Variants in TSPAN12 observed in about 807,000 individuals in gnomAD.
The protein encoded by TSPAN12 is tetraspanin 12, also known as tetraspanin-12.
In TSPAN12, 19 loss-of-function variants were observed where a neutral mutation model predicts 39.2. The ratio of observed to expected loss-of-function variants is 0.49; its 90% CI spans 0.34 to 0.71. TSPAN12 has a LOEUF of 0.71. Among genes scored for constraint, TSPAN12 ranks in the 30% least tolerant of loss-of-function variants. The probability of loss-of-function intolerance (pLI) is 0.01; values close to 1 mark genes in which losing one functional copy is unlikely to be tolerated. For synonymous variants in TSPAN12, 119 were observed against 124.8 expected (o/e 0.95, Z 0.31); for missense variants, 314 against 359.9 (o/e 0.87, Z 1.03).
chr7:120,804,778 G>C (rs554769955), intron 7 of TSPAN12, among the ~76,000 whole-genome samples: 2 of 152,086 alleles, frequency 1.3e-5, no homozygotes, highest in Non-Finnish European at 1.5e-5. Flanking sequence ...GGAGGACAGT[G>C]GGCCCCTTGT....
intron 6 of TSPAN12, 31 bp downstream of exon 6, chr7:120,810,432 C>A: frequency 1.5e-6 from 2 of 1,371,132 alleles, no homozygotes; most frequent in Non-Finnish European, 2.1e-6. Flanking sequence ...ACTTACTTCA[C>A]TCTCTCTACC....
At chr7:120,835,154 T>C (rs1160909800) in intron 4 of TSPAN12, among the ~76,000 whole-genome samples, 1 of 152,174 alleles carries the variant, frequency 6.6e-6, no homozygotes, top group Admixed American at 6.6e-5. Context: ...TCTGGGCTGA[T>C]TATTAAAAAG....
chr7:120,805,821 G>A (rs1465477841), intron 7 of TSPAN12, among the ~76,000 whole-genome samples: 3 of 152,092 alleles, frequency 2.0e-5, no homozygotes, highest in South Asian at 2.1e-4. Flanking sequence ...ATGGCCACAC[G>A]TAGCTATTTG....
chr7:120,827,291 G>A (rs914093882), intron 4 of TSPAN12, among the ~76,000 whole-genome samples: 1 of 152,108 alleles, frequency 6.6e-6, no homozygotes, highest in Non-Finnish European at 1.5e-5. Flanking sequence ...AAAGGAAATA[G>A]TTTCGTTTAA....
At chr7:120,799,891 A>ATAAATATTTAATATATTTATTATAT (rs1793730317) in intron 7 of TSPAN12, among the ~76,000 whole-genome samples, 5 of 142,084 alleles carry the variant, frequency 3.5e-5, no homozygotes, top group African/African-American at 1.3e-4. Flanking sequence ...TTAAATATTA[A>ATAAATATTTAATATATTTATTATAT]TAAATATTTA....
At chr7:120,824,958 C>T (rs894766729) in intron 4 of TSPAN12, among the ~76,000 whole-genome samples, 1 of 152,034 alleles carries the variant, frequency 6.6e-6, no homozygotes, top group African/African-American at 2.4e-5. Context: ...AACTTAACAC[C>T]CTCATTCCTT....
intron 2 of TSPAN12, among the ~76,000 whole-genome samples, chr7:120,854,082 G>C (rs1277822043): frequency 6.6e-6 from 1 of 152,080 alleles, no homozygotes; most frequent in Non-Finnish European, 1.5e-5. Flanking sequence ...CTGCTCACTG[G>C]TAGTAGGGTA....
chr7:120,800,824 C>T (rs1444936704), intron 7 of TSPAN12, among the ~76,000 whole-genome samples: 1 of 147,740 alleles, frequency 6.8e-6, no homozygotes, highest in East Asian at 2.1e-4. Flanking sequence ...TCTAGGCTCA[C>T]TGCAACCTTC....
chr7:120,810,422 A>G (rs781248624), intron 6 of TSPAN12, 41 bp downstream of exon 6: 2 of 1,243,822 alleles, frequency 1.6e-6, no homozygotes, highest in South Asian at 1.2e-5. Context: ...AAGGTGCACC[A>G]CTTACTTCAC....
At chr7:120,810,602 T>G in intron 5 of TSPAN12, 32 bp from the exon 6 acceptor site, 6 of 1,163,556 alleles carry the variant, frequency 5.2e-6, no homozygotes, top group Non-Finnish European at 7.7e-6. Flanking sequence ...TCAACAGCTG[T>G]AGCTCACACA....
At chr7:120,853,885 A>G (rs948059256) in intron 2 of TSPAN12, among the ~76,000 whole-genome samples, 2 of 150,340 alleles carry the variant, frequency 1.3e-5, no homozygotes, top group African/African-American at 4.9e-5. Flanking sequence ...AAAAAAAAAA[A>G]AAAGAAAAGA....
chr7:120,827,504 T>C (rs1369683235), intron 4 of TSPAN12, among the ~76,000 whole-genome samples: 1 of 152,188 alleles, frequency 6.6e-6, no homozygotes, highest in East Asian at 1.9e-4. Flanking sequence ...AGAAAAATGA[T>C]GTATAAACAA....
chr7:120,793,413 G>C (rs1357384107), intron 7 of TSPAN12, among the ~76,000 whole-genome samples: 1 of 152,124 alleles, frequency 6.6e-6, no homozygotes, highest in Non-Finnish European at 1.5e-5. Context: ...CAGATCACTG[G>C]TCCCTTAAGA....
chr7:120,853,491 T>TACAC (rs988786833), intron 2 of TSPAN12, among the ~76,000 whole-genome samples: 1 of 143,074 alleles, frequency 7.0e-6, no homozygotes, highest in East Asian at 2.2e-4. Context: ...TATATATATA[T>TACAC]ATACACACAC....
intron 7 of TSPAN12, among the ~76,000 whole-genome samples, chr7:120,802,121 G>A (rs1390288712): frequency 6.6e-6 from 1 of 152,164 alleles, no homozygotes; most frequent in African/African-American, 2.4e-5. Context: ...CTCAGCAGGT[G>A]AGAGAAGACA....
chr7:120,849,057 T>G (rs1794724782), intron 2 of TSPAN12, among the ~76,000 whole-genome samples: 1 of 152,196 alleles, frequency 6.6e-6, no homozygotes, highest in African/African-American at 2.4e-5. Flanking sequence ...TTGGCTAAAT[T>G]ATTAGGAACA....
intron 2 of TSPAN12, among the ~76,000 whole-genome samples, chr7:120,847,705 G>T (rs184269740): frequency 1.3e-3 from 200 of 152,144 alleles, no homozygotes; most frequent in Non-Finnish European, 2.2e-3. Flanking sequence ...GCTAGTTCAG[G>T]CCTTCATCCT....
At chr7:120,793,645 A>G (rs1486587928) in intron 7 of TSPAN12, among the ~76,000 whole-genome samples, 2 of 152,260 alleles carry the variant, frequency 1.3e-5, no homozygotes, top group African/African-American at 4.8e-5. Context: ...GAGTATCTCC[A>G]AAAGAGGTGT....
In TSPAN12 at chr7:120,788,854, T is replaced by C; in HGVS notation, c.656A>G (p.Gln219Arg). The change falls in exon 8 of 8, where the codon CAA becomes CGA. Residue 219 changes from glutamine (Q) to arginine (R), a missense_variant. Gln to Arg is a conservative substitution (Grantham distance 43). Coordinates refer to ENST00000222747, the MANE Select transcript of TSPAN12 (RefSeq NM_012338.4). ...KMYSFLRGTKQLQVLRFLGIS... is the reference protein window; with the variant it reads ...KMYSFLRGTKRLQVLRFLGIS... The stretch of plus-strand genomic sequence containing the variant: ...TCCCAGAAACCTCAGCACCTGCAGT[T>C]GTTTGGTTCCTCTCAAAAAGGAATA... 1 of 1,614,180 alleles carries C rather than the reference T, an allele frequency of 6.2e-7. No individual in the cohort carries two copies. Among genetic ancestry groups the C allele is most frequent in the South Asian group, 1.1e-5 (1 of 91,084 alleles).
Sources: allele counts gnomAD v4.1 joint callset (sites outside exome capture counted in the v4.1 genomes callset), GRCh38; gene constraint gnomAD v4.1.1; transcripts MANE v1.5; gene names NCBI Gene and HGNC (gene_info 2026-07-23, HGNC 2026-07-21).